ASZ1: variants seen among roughly 807,000 people sequenced by gnomAD.
ASZ1 encodes ankyrin repeat, SAM and basic leucine zipper domain containing 1.
In ASZ1, 67 loss-of-function variants were observed where a neutral mutation model predicts 61.8. That is an observed-to-expected ratio of 1.08 (90% CI 0.89 to 1.33). The LOEUF is 1.33. ASZ1 is among the 40% of genes most tolerant of loss of function. The probability of loss-of-function intolerance (pLI) is 0.00; values close to 1 mark genes in which losing one functional copy is unlikely to be tolerated. For synonymous variants in ASZ1, 193 were observed against 192.7 expected (o/e 1.00, Z -0.01); for missense variants, 577 against 554.5 (o/e 1.04, Z -0.41).
chr7:117,382,206 T>C (rs111285711), intron 7 of ASZ1, 62 bp from the exon 8 acceptor site: 5 of 973,300 alleles, frequency 5.1e-6, no homozygotes, highest in South Asian at 1.4e-5. Context: ...GCGATAAATA[T>C]ACATTTATAT....
intron 6 of ASZ1, among the ~76,000 whole-genome samples, chr7:117,384,488 A>T (rs1277609172): frequency 1.3e-5 from 2 of 152,154 alleles, no homozygotes; most frequent in East Asian, 1.9e-4. Flanking sequence ...ATAAGATTTT[A>T]TTACTCTTTT....
intron 4 of ASZ1, among the ~76,000 whole-genome samples, chr7:117,403,169 G>A (rs1215342559): frequency 6.6e-6 from 1 of 152,082 alleles, no homozygotes; most frequent in East Asian, 1.9e-4. Flanking sequence ...TGCTGAAGAA[G>A]GCTTGGTTAA....
intron 3 of ASZ1, among the ~76,000 whole-genome samples, chr7:117,420,655 T>C (rs1362782728): frequency 6.6e-6 from 1 of 152,218 alleles, no homozygotes; most frequent in Non-Finnish European, 1.5e-5. Flanking sequence ...TCACTTCTTA[T>C]CCATTTGAAA....
At chr7:117,418,972 CAG>C (rs1797050323) in intron 4 of ASZ1, among the ~76,000 whole-genome samples, 1 of 152,034 alleles carries the variant, frequency 6.6e-6, no homozygotes, top group African/African-American at 2.4e-5. Flanking sequence ...AAAAAAAATA[CAG>C]GTTTGCAGGT....
chr7:117,382,440 C>T (rs1330926639), intron 7 of ASZ1, among the ~76,000 whole-genome samples: 3 of 151,968 alleles, frequency 2.0e-5, no homozygotes, highest in African/African-American at 4.8e-5. Flanking sequence ...CACCTGCAGT[C>T]CCAGCTACTT....
intron 4 of ASZ1, among the ~76,000 whole-genome samples, chr7:117,391,123 CTT>C (rs199605106): frequency 2.8e-5 from 4 of 144,196 alleles, no homozygotes; most frequent in Admixed American, 1.4e-4. Flanking sequence ...GCTTGTATGT[CTT>C]TTTTTTTTTT....
At chr7:117,424,059 T>C (rs1309271515) in intron 2 of ASZ1, among the ~76,000 whole-genome samples, 1 of 152,132 alleles carries the variant, frequency 6.6e-6, no homozygotes, top group East Asian at 1.9e-4. Flanking sequence ...TAATACTATA[T>C]TGTTTAGGGA....
At chr7:117,364,735 C>G (rs1036426569) in intron 12 of ASZ1, among the ~76,000 whole-genome samples, 3 of 152,162 alleles carry the variant, frequency 2.0e-5, no homozygotes, top group Non-Finnish European at 4.4e-5. Context: ...AAACCAGACT[C>G]CAATGCCAAT....
chr7:117,387,699 C>G (rs943866252), intron 4 of ASZ1, among the ~76,000 whole-genome samples: 1 of 152,192 alleles, frequency 6.6e-6, no homozygotes, highest in African/African-American at 2.4e-5. Flanking sequence ...TCATCTTTCT[C>G]TGATTTATAT....
In ASZ1 at chr7:117,416,494, G is replaced by A. The variant is rs1796994648; in HGVS notation, c.440+3669C>T. Among the ~76,000 whole-genome samples, 4 of 152,094 alleles carry A rather than the reference G, an allele frequency of 2.6e-5. No homozygotes were observed. The East Asian group carries it at 7.7e-4, about 29-fold the overall frequency. ...GCAAACTACTAATACACAGAGCATG[G>A]ATGAGTCTTAAAATTTATTATATTC... On this transcript the variant is annotated intron_variant, in intron 4 of 12. Transcript: ENST00000284629.
intron 4 of ASZ1, among the ~76,000 whole-genome samples, chr7:117,414,320 A>C (rs1308924395): frequency 6.6e-6 from 1 of 152,152 alleles, no homozygotes; most frequent in African/African-American, 2.4e-5. Flanking sequence ...TTTTTGCAAA[A>C]AACATTGACA....
intron 3 of ASZ1, 124 bp from the exon 4 acceptor site, chr7:117,420,398 A>C: frequency 3.6e-6 from 2 of 560,552 alleles, no homozygotes; most frequent in Non-Finnish European, 3.0e-6. Flanking sequence ...CAAATCTCTC[A>C]CTCTTAGCAG....
chr7:117,404,404 C>T lies in ASZ1; in HGVS notation c.440+15759G>A, dbSNP rs1796740697. On this transcript the variant is annotated intron_variant, in intron 4 of 12. Coordinates refer to ENST00000284629, the MANE Select transcript of ASZ1 (RefSeq NM_130768.3). ...TATTGGCAAATCACTCTGATAAGCC[C>T]CTTGACTGTTTCCTTTTTTTTTTTT... Among the ~76,000 whole-genome samples, 5 of 142,454 alleles carry T rather than the reference C, an allele frequency of 3.5e-5. No individual in the cohort carries two copies. In the South Asian group the frequency reaches 8.9e-4, roughly 25 times the overall value. 93.5% of individuals were successfully genotyped at this position (142,454 alleles called of 152,430 possible).
intron 4 of ASZ1, among the ~76,000 whole-genome samples, chr7:117,407,399 A>G (rs1399837377): frequency 6.6e-6 from 1 of 151,986 alleles, no homozygotes; most frequent in East Asian, 1.9e-4. Context: ...TAACTGATAG[A>G]ACACGGAAGT....
chr7:117,394,147 C>G (rs1054195063), intron 4 of ASZ1, among the ~76,000 whole-genome samples: 1 of 152,010 alleles, frequency 6.6e-6, no homozygotes, highest in Non-Finnish European at 1.5e-5. Flanking sequence ...CTCTGTCACT[C>G]GGGCTAGAGT....
At chr7:117,383,208 G>GA (rs1796288606) in intron 6 of ASZ1, 98 bp from the exon 7 acceptor site, 1 of 1,286,220 alleles carries the variant, frequency 7.8e-7, no homozygotes, top group Non-Finnish European at 1.0e-6. Flanking sequence ...ATCCAGAAAG[G>GA]AAATTTTAGC....
At chr7:117,411,659 T>C (rs922345714) in intron 4 of ASZ1, among the ~76,000 whole-genome samples, 15 of 152,002 alleles carry the variant, frequency 9.9e-5, no homozygotes, top group African/African-American at 3.4e-4. Context: ...CCAAGGATAT[T>C]ATCATCGTTA....
At chr7:117,406,581 C>T (rs1796785925) in intron 4 of ASZ1, among the ~76,000 whole-genome samples, 1 of 152,090 alleles carries the variant, frequency 6.6e-6, no homozygotes. Flanking sequence ...TGGTGAAACC[C>T]TGTCTCTATT....
chr7:117,365,571 T>C (rs1220500077), intron 12 of ASZ1, among the ~76,000 whole-genome samples: 2 of 152,220 alleles, frequency 1.3e-5, no homozygotes, highest in Non-Finnish European at 2.9e-5. Context: ...TTTTAGGAAA[T>C]TTCCTACACT....
Sources: gnomAD v4.1 joint callset for allele counts (sites outside exome capture counted in the v4.1 genomes callset) on GRCh38, gnomAD v4.1.1 for gene constraint, MANE v1.5 for transcripts, NCBI Gene and HGNC (gene_info 2026-07-23, HGNC 2026-07-21) for gene names.